Variants in SMAP2 observed in about 807,000 individuals in gnomAD.
SMAP2 encodes the protein stromal membrane-associated protein 2.
In SMAP2, 25 loss-of-function variants were observed where a neutral mutation model predicts 56.4. That is an observed-to-expected ratio of 0.44 (90% CI 0.32 to 0.62). The LOEUF (loss-of-function observed/expected upper bound fraction) is 0.62, where lower values mean the gene tolerates loss of function less well. Among genes scored for constraint, SMAP2 ranks in the 20% least tolerant of loss-of-function variants. SMAP2 has a pLI of 0.04. For missense variants in SMAP2, 388 were observed against 545.6 expected, an observed-to-expected ratio of 0.71 and a Z score of 2.88; for synonymous variants, 157 against 181.7, an observed-to-expected ratio of 0.86 and a Z score of 1.09.
chr1:40,409,353 C>T (rs1644914063), intron 3 of SMAP2, among the ~76,000 whole-genome samples: 1 of 152,112 alleles, frequency 6.6e-6, no homozygotes, highest in Admixed American at 6.5e-5. Context: ...ACCCACTGGT[C>T]AGAATTTGGC....
intron 1 of SMAP2, among the ~76,000 whole-genome samples, chr1:40,382,663 T>C (rs980458024): frequency 6.6e-6 from 1 of 152,212 alleles, no homozygotes; most frequent in Non-Finnish European, 1.5e-5. Flanking sequence ...CACCTTAAAG[T>C]TAATCCACTT....
At chr1:40,380,529 C>CTTTTTTTTTTTTTTTTTTTTTTTTTTTT in intron 1 of SMAP2, among the ~76,000 whole-genome samples, 2 of 142,878 alleles carry the variant, frequency 1.4e-5, no homozygotes, top group Non-Finnish European at 3.0e-5. Context: ...ATCTGTGGCA[C>CTTTTTTTTTTTTTTTTTTTTTTTTTTTT]TTTTTTTTTT....
At chr1:40,392,150 C>T (rs1221672884) in intron 1 of SMAP2, among the ~76,000 whole-genome samples, 2 of 152,052 alleles carry the variant, frequency 1.3e-5, no homozygotes, top group African/African-American at 4.8e-5. Context: ...GGACTTGCTA[C>T]ATTTGCTATA....
chr1:40,372,227 G>A (rs2124194058), upstream of SMAP2, among the ~76,000 whole-genome samples: 1 of 152,268 alleles, frequency 6.6e-6, no homozygotes, highest in East Asian at 1.9e-4. Context: ...AGATGGGGAG[G>A]GCTTGAACTA....
intron 1 of SMAP2, among the ~76,000 whole-genome samples, chr1:40,388,136 C>G (rs1052435532): frequency 2.6e-5 from 4 of 152,192 alleles, no homozygotes; most frequent in East Asian, 1.9e-4. Flanking sequence ...AGCCTCCCCC[C>G]ACCTCTGTGG....
At chr1:40,354,511 G>C (rs1390308444) in intron 1 of SMAP2, among the ~76,000 whole-genome samples, 1 of 151,732 alleles carries the variant, frequency 6.6e-6, no homozygotes, top group Non-Finnish European at 1.5e-5. Flanking sequence ...GCTAATTTTT[G>C]TATTTTTAGT....
Position 40,416,869 on chromosome 1 carries a change from A to G in SMAP2, c.937A>G (p.Met313Val), listed in dbSNP as rs1446377288. ...VTPPNSIMGS[M>V]MPPPVGMVAQ... ...ACCTCCTAACAGCATAATGGGGAGC[A>G]TGATGCCTCCACCAGTAGGCATGGT... Residue 313 changes from methionine to valine, a missense_variant, in exon 9 of 10, where the codon ATG (methionine) becomes GTG (valine). Coordinates refer to ENST00000372718, the MANE Select transcript of SMAP2 (RefSeq NM_022733.3). 1 of 1,614,106 alleles carries G rather than the reference A, an allele frequency of 6.2e-7. No homozygotes were observed. The highest frequency in any genetic ancestry group is 8.5e-7 in the Non-Finnish European group (1 of 1,180,046).
intron 2 of SMAP2, among the ~76,000 whole-genome samples, chr1:40,363,544 G>A (rs1355300529): frequency 3.3e-5 from 5 of 152,020 alleles, no homozygotes; most frequent in African/African-American, 1.2e-4. Flanking sequence ...GAGCAAGATG[G>A]CCAAAAATAG....
intron 1 of SMAP2, among the ~76,000 whole-genome samples, chr1:40,350,479 C>T (rs775775153): frequency 2.0e-5 from 3 of 152,290 alleles, no homozygotes; most frequent in South Asian, 4.1e-4. Flanking sequence ...AGAGGGTGGG[C>T]TGGCAACGAT....
Position 40,420,043 on chromosome 1 carries a change from T to A in SMAP2, c.1165-1933T>A, listed in dbSNP as rs113969272. On this transcript the variant is annotated intron_variant, in intron 9 of 9. Transcript: ENST00000372718. ...CTTTTCTCTGTTTCTTCTATGGAAG[T>A]CAATTTTGGAAAACTGTATTTACCT... 5.3e-3 allele frequency among the ~76,000 whole-genome samples: 815 copies of A among 152,338 alleles called. 4 individuals are homozygous for A. Among genetic ancestry groups the A allele is most frequent in the Non-Finnish European group, 8.5e-3 (575 of 68,038 alleles).
At position 40,374,997 on chromosome 1, in the gene SMAP2, A is replaced by G. The variant is rs1644528821; in HGVS notation, c.103+774A>G. 3 of 985,428 alleles carry G rather than the reference A, an allele frequency of 3.0e-6. No individual in the cohort carries two copies. The highest frequency in any genetic ancestry group is 3.6e-6 in the Non-Finnish European group (3 of 829,918). The allele number at this position is 985,428 out of a possible 1,614,324, so 61.0% of individuals were successfully genotyped here. On this transcript the variant is annotated intron_variant, in intron 1 of 9. Transcript: ENST00000372718. The surrounding 1 kb of genome is among the most constrained non-coding windows in gnomAD (Gnocchi z 5.9). ...TGAATTCGATGAATTCATTGCTTCC[A>G]TGGCGATTACACTTCTAAAGGTGAA...
chr1:40,358,665 T>A (rs1438896115), intron 1 of SMAP2, among the ~76,000 whole-genome samples: 1 of 152,244 alleles, frequency 6.6e-6, no homozygotes, highest in Non-Finnish European at 1.5e-5. Context: ...TCCTTGAGAA[T>A]GATCCATGTG....
chr1:40,407,562 A>T (rs1644897380), intron 2 of SMAP2, among the ~76,000 whole-genome samples: 1 of 152,230 alleles, frequency 6.6e-6, no homozygotes, highest in Non-Finnish European at 1.5e-5. Context: ...AAATTTTATT[A>T]CTAAAATGCA....
intron 1 of SMAP2, among the ~76,000 whole-genome samples, chr1:40,390,738 C>T (rs544143089): frequency 1.3e-5 from 2 of 152,302 alleles, no homozygotes; most frequent in East Asian, 3.9e-4. Context: ...ATTCTAATTT[C>T]AGTCCAGCTG....
chr1:40,389,209 T>C (rs745786829), intron 1 of SMAP2, among the ~76,000 whole-genome samples: 5 of 152,226 alleles, frequency 3.3e-5, no homozygotes, highest in South Asian at 4.1e-4. Context: ...TAGCATCTTA[T>C]GTTGTTCATA....
At chr1:40,413,577 T>A (rs1569916877) in intron 5 of SMAP2, among the ~76,000 whole-genome samples, 1 of 152,246 alleles carries the variant, frequency 6.6e-6, no homozygotes, top group African/African-American at 2.4e-5. Context: ...ACAGGACATA[T>A]TGTGGCTGTA....
chr1:40,355,802 G>A (rs1306053011), intron 1 of SMAP2, among the ~76,000 whole-genome samples: 1 of 152,056 alleles, frequency 6.6e-6, no homozygotes, highest in East Asian at 1.9e-4. Context: ...TAGAGACGAG[G>A]TCTCACTATG....
chr1:40,374,065 G>A lies in SMAP2; in HGVS notation c.-56G>A. ...AGTCCTCAACCCCGGACTGAGGCAG[G>A]GGTCTCTGGGGGCGAGGAGGGCGCG... On this transcript the variant is annotated 5_prime_UTR_variant, in exon 1 of 10. Coordinates refer to ENST00000372718, the MANE Select transcript of SMAP2 (RefSeq NM_022733.3). The surrounding 1 kb of genome is among the most constrained non-coding windows in gnomAD (Gnocchi z 5.9). The A allele has an allele frequency of 7.2e-7, 1 of 1,388,922 alleles. No individual in the cohort carries two copies. The highest frequency in any genetic ancestry group is 1.0e-6 in the Non-Finnish European group (1 of 990,890). 86.0% of individuals were successfully genotyped at this position (1,388,922 alleles called of 1,614,324 possible).
upstream of SMAP2, among the ~76,000 whole-genome samples, chr1:40,373,021 T>C (rs1396269793): frequency 6.6e-6 from 1 of 152,216 alleles, no homozygotes; most frequent in Non-Finnish European, 1.5e-5. Context: ...AGGAGTTGCC[T>C]GTTGTGTGCT....
Sources: gnomAD v4.1 joint callset for allele counts (sites outside exome capture counted in the v4.1 genomes callset) on GRCh38, gnomAD v4.1.1 for gene constraint, Gnocchi (gnomAD v3.1) non-coding constraint, MANE v1.5 for transcripts, NCBI Gene and HGNC (gene_info 2026-07-23, HGNC 2026-07-21) for gene names.